Variants in E2F1 observed in about 807,000 individuals in gnomAD.
E2F1 encodes transcription factor E2F1.
E2F1 carries 7 observed loss-of-function variants against 36.9 expected under a neutral mutation model. The observed-to-expected ratio is 0.19, with a 90% CI of 0.11 to 0.36. The LOEUF is 0.36. E2F1 is among the 10% of genes least tolerant of loss of function. E2F1 has a pLI of 1.00. For synonymous variants in E2F1, 261 were observed against 263.1 expected (o/e 0.99, Z 0.08); for missense variants, 406 against 573.6 (o/e 0.71, Z 2.99).
At chr20:33,678,486 T>C in intron 3 of E2F1, 133 bp from the exon 4 acceptor site, 4 of 1,173,914 alleles carry the variant, frequency 3.4e-6, no homozygotes, top group African/African-American at 1.5e-5. Flanking sequence ...TCTGTCTGGG[T>C]CTGGCTCCTC....
Position 33,678,213 on chromosome 20 carries a change from GT to G in E2F1, c.712del (p.Thr238LeufsTer9). 6.2e-7 allele frequency: 1 copy of G among 1,612,740 alleles called. No individual in the cohort carries two copies. The highest frequency in any genetic ancestry group is 8.5e-7 in the Non-Finnish European group (1 of 1,179,024). On this transcript the variant is annotated frameshift_variant, in exon 4 of 7. Coordinates refer to ENST00000343380, the MANE Select transcript of E2F1 (RefSeq NM_005225.3). LOFTEE classifies it high-confidence loss of function. ...AATCCAAGGATATCGCTGGCTGTCA[GT>G]GTCCTCGGAGAGCAGGCGCAGCTGC... ...TTQLRLLSED[T>X]DSQRLAYVTC...
At chr20:33,682,948 T>C (rs986561717) in intron 1 of E2F1, among the ~76,000 whole-genome samples, 2 of 152,208 alleles carry the variant, frequency 1.3e-5, no homozygotes, top group Admixed American at 6.5e-5. Context: ...TATATTATTA[T>C]AGAATACATT....
Position 33,680,322 on chromosome 20 carries a change from G to T in E2F1, c.352+4C>A. On this transcript the variant is annotated splice_donor_region_variant and intron_variant, in intron 2 of 6. Coordinates refer to ENST00000343380, the MANE Select transcript of E2F1 (RefSeq NM_005225.3). ...GGTCTGCCCAGCCCAAGCTCCATAGGTACCTTTTCCTGGATGGCGGCCTCT... is the reference window on the plus strand; with the variant it reads ...GGTCTGCCCAGCCCAAGCTCCATAGTTACCTTTTCCTGGATGGCGGCCTCT... 2 of 1,614,076 alleles carry T rather than the reference G, an allele frequency of 1.2e-6. No individual in the cohort carries two copies. The highest frequency in any genetic ancestry group is 2.2e-5 in the South Asian group (2 of 91,056).
chr20:33,682,365 A>G (rs866939550), intron 1 of E2F1, among the ~76,000 whole-genome samples: 1 of 152,172 alleles, frequency 6.6e-6, no homozygotes. Context: ...ACCTTTTGGC[A>G]GGTGCTATGA....
chr20:33,682,409 G>A (rs1568910117), intron 1 of E2F1, among the ~76,000 whole-genome samples: 2 of 152,174 alleles, frequency 1.3e-5, no homozygotes, highest in East Asian at 1.9e-4. Flanking sequence ...CACAGTGAGA[G>A]GTGGACCCAG....
chr20:33,678,635 A>G (rs1460818838), intron 3 of E2F1, among the ~76,000 whole-genome samples: 2 of 151,376 alleles, frequency 1.3e-5, no homozygotes, highest in African/African-American at 4.9e-5. Context: ...ACACACATGC[A>G]TTTCCAAGAC....
At chr20:33,683,011 G>A (rs985291986) in intron 1 of E2F1, among the ~76,000 whole-genome samples, 3 of 152,146 alleles carry the variant, frequency 2.0e-5, no homozygotes, top group African/African-American at 7.2e-5. Context: ...TCTGAATGGT[G>A]TGAATGATAC....
chr20:33,679,703 T>G lies in E2F1; in HGVS notation c.572+52A>C. 1 of 1,563,968 alleles carries G rather than the reference T, an allele frequency of 6.4e-7. No homozygotes were observed. The highest frequency in any genetic ancestry group is 8.8e-7 in the Non-Finnish European group (1 of 1,136,080). Reference sequence around the variant, plus strand: ...CACAGTGGGTATTACTACCAGCTCCTCCAGGCTGGCATGGGCAGGTGTGCC... The same window carrying G: ...CACAGTGGGTATTACTACCAGCTCCGCCAGGCTGGCATGGGCAGGTGTGCC... On this transcript the variant is annotated intron_variant, in intron 3 of 6. Coordinates refer to ENST00000343380, the MANE Select transcript of E2F1 (RefSeq NM_005225.3). This position sits in a 1 kb window ranked among gnomAD's most constrained non-coding sequence, Gnocchi z 4.6.
At chr20:33,678,148 A>G (rs1490796225) in intron 4 of E2F1, 53 bp downstream of exon 4, 5 of 1,561,796 alleles carry the variant, frequency 3.2e-6, no homozygotes, top group Non-Finnish European at 3.5e-6. Context: ...ACTTGGGTGG[A>G]GCCCCTGCCT....
rs1325445697 is a variant in E2F1, at chr20:33,676,804, G to A, written c.1242C>T (p.Gly414=). 1.2e-6 allele frequency: 2 copies of A among 1,603,198 alleles called. No individual in the cohort carries two copies. The highest frequency in any genetic ancestry group is 2.7e-5 in the African/African-American group (2 of 74,746). The change falls in exon 7 of 7, where the codon GGC becomes GGT. Residue 414 remains glycine, a synonymous_variant. Coordinates refer to ENST00000343380, the MANE Select transcript of E2F1 (RefSeq NM_005225.3). The part of the protein sequence containing the change: ...PPHEALDYHF[G]LEEGEGIRDL... ...CTCTGATGCCCTCGCCCTCCTCGAG[G>A]CCGAAGTGGTAGTCGAGGGCCTCGT... is the stretch of plus-strand genomic sequence containing the variant.
chr20:33,678,151 C>T (rs910329477), intron 4 of E2F1, 50 bp downstream of exon 4: 1 of 1,566,534 alleles, frequency 6.4e-7, no homozygotes, highest in African/African-American at 1.3e-5. Flanking sequence ...TGGGTGGAGC[C>T]CCTGCCTGCT....
rs770756895 is a variant in E2F1, at chr20:33,676,500, C to T, written c.*232G>A. ...CACACACATTCACCCCCGGTACACA[C>T]GTGTGGGTGTAGGCTGCATGCACAT... On this transcript the variant is annotated 3_prime_UTR_variant, in exon 7 of 7. Transcript: ENST00000343380. The T allele has an allele frequency of 5.5e-5, 30 of 542,386 alleles. 1 individual carries two copies. The highest frequency in any genetic ancestry group is 1.5e-4 in the Admixed American group (4 of 27,448). 33.6% of individuals were successfully genotyped at this position (542,386 alleles called of 1,614,324 possible).
Position 33,686,256 on chromosome 20 carries a change from C to A in E2F1, c.9G>T (p.Leu3Phe). Residue 3 changes from leucine to phenylalanine, a missense_variant, in exon 1 of 7, where the codon TTG becomes TTT. This residue lies in a region of E2F1 where 68 missense variants were observed against 74.3 expected (regional missense o/e 0.92). Transcript: ENST00000343380. MA[L>F]AGAPAGGPCA... ...ATGGGCCGCCCGCAGGGGCCCCGGC[C>A]AAGGCCATGACGCTCACGGCCCGCG... is the stretch of plus-strand genomic sequence containing the variant. The A allele has an allele frequency of 9.9e-7, 1 of 1,012,394 alleles. No homozygotes were observed. Among genetic ancestry groups the A allele is most frequent in the Non-Finnish European group, 1.2e-6 (1 of 849,250 alleles). The allele number at this position is 1,012,394 out of a possible 1,614,324, so 62.7% of individuals were successfully genotyped here.
chr20:33,682,351 G>A (rs935189797), intron 1 of E2F1, among the ~76,000 whole-genome samples: 13 of 152,076 alleles, frequency 8.5e-5, no homozygotes, highest in Non-Finnish European at 8.8e-5. Flanking sequence ...GCAACCCTCC[G>A]GCCACCTTTT....
At chr20:33,681,306 C>T (rs1220441292) in intron 1 of E2F1, among the ~76,000 whole-genome samples, 1 of 152,186 alleles carries the variant, frequency 6.6e-6, no homozygotes, top group South Asian at 2.1e-4. Flanking sequence ...TCACTGTAGT[C>T]GTGCTGGGAC....
At chr20:33,681,943 G>A (rs1320787322) in intron 1 of E2F1, among the ~76,000 whole-genome samples, 3 of 152,184 alleles carry the variant, frequency 2.0e-5, no homozygotes, top group South Asian at 2.1e-4. Context: ...AGAGGAACCC[G>A]AGTCACGTTT....
Position 33,675,726 on chromosome 20 carries a change from G to C in E2F1, c.*1006C>G, listed in dbSNP as rs916817427. 1 of 164,648 alleles carries C rather than the reference G, an allele frequency of 6.1e-6. No homozygotes were observed. The highest frequency in any genetic ancestry group is 1.3e-5 in the Non-Finnish European group (1 of 75,642). 10.2% of individuals were successfully genotyped at this position (164,648 alleles called of 1,614,324 possible). On this transcript the variant is annotated 3_prime_UTR_variant, in exon 7 of 7. Transcript: ENST00000343380. ...ATTAAAACCAAAGCAGGAGGGAACAGAGCTGTTAGGAAGCAAATCAAAGTG... is the reference window on the plus strand; with the variant it reads ...ATTAAAACCAAAGCAGGAGGGAACACAGCTGTTAGGAAGCAAATCAAAGTG...
At chr20:33,685,157 T>C (rs2018054482) in intron 1 of E2F1, among the ~76,000 whole-genome samples, 1 of 152,146 alleles carries the variant, frequency 6.6e-6, no homozygotes, top group South Asian at 2.1e-4. Flanking sequence ...ACTGGGGGCC[T>C]CCTCTCCAGC....
rs1183709221 is a variant in E2F1, at chr20:33,676,090, A to T, written c.*642T>A. 4 of 152,692 alleles carry T rather than the reference A, an allele frequency of 2.6e-5. No individual in the cohort carries two copies. Among genetic ancestry groups the T allele is most frequent in the Non-Finnish European group, 5.9e-5 (4 of 68,148 alleles). 9.5% of individuals were successfully genotyped at this position (152,692 alleles called of 1,614,324 possible). On this transcript the variant is annotated 3_prime_UTR_variant, in exon 7 of 7. Transcript: ENST00000343380. Reference sequence around the variant, plus strand: ...GACCCCTGCCCTTGCTCAAGGGTAGAGGGAGTTGGGGTATCAACCCCACAC... The same window carrying T: ...GACCCCTGCCCTTGCTCAAGGGTAGTGGGAGTTGGGGTATCAACCCCACAC...
Sources: allele counts gnomAD v4.1 joint callset (sites outside exome capture counted in the v4.1 genomes callset), GRCh38; gene constraint gnomAD v4.1.1; regional missense constraint gnomAD v4.1.1; non-coding constraint Gnocchi (gnomAD v3.1); transcripts MANE v1.5; gene names NCBI Gene and HGNC (gene_info 2026-07-23, HGNC 2026-07-21).